The following GFM1 variants were observed in gnomAD, a reference collection of about 807,000 sequenced individuals.
The protein encoded by GFM1 is elongation factor G, mitochondrial.
A neutral mutation model predicts 96.2 loss-of-function variants in GFM1; 62 were observed. The ratio of observed to expected loss-of-function variants is 0.64; its 90% confidence interval spans 0.53 to 0.80. The LOEUF (loss-of-function observed/expected upper bound fraction) is 0.80. Ranked by LOEUF, GFM1 falls within the 30% of genes least tolerant of loss-of-function variation. GFM1 has a pLI of 0.00. For missense variants in GFM1, 852 were observed against 916.6 expected, an observed-to-expected ratio of 0.93 and a Z score of 0.91; for synonymous variants, 282 against 312.9, an observed-to-expected ratio of 0.90 and a Z score of 1.04.
intron 13 of GFM1, chr3:158,668,968 A>T: frequency 6.4e-7 from 1 of 1,551,374 alleles, no homozygotes; most frequent in Non-Finnish European, 8.9e-7. Context: ...TAACCCCATT[A>T]ATAGTGTATT....
chr3:158,682,783 G>A (rs927348514), intron 14 of GFM1, among the ~76,000 whole-genome samples: 1 of 152,086 alleles, frequency 6.6e-6, no homozygotes, highest in Non-Finnish European at 1.5e-5. Flanking sequence ...CTAACATTTT[G>A]GGAGGCCGAG....
chr3:158,645,381 C>T (rs556779484), intron 1 of GFM1, among the ~76,000 whole-genome samples: 1 of 152,220 alleles, frequency 6.6e-6, no homozygotes, highest in Admixed American at 6.5e-5. Context: ...AAAAGTGTCT[C>T]CCATTTTAAT....
At chr3:158,655,777 A>G in intron 8 of GFM1, 1 of 450,794 alleles carries the variant, frequency 2.2e-6, no homozygotes, top group East Asian at 7.0e-5. Flanking sequence ...TATTAACTAA[A>G]ATCCTTACTT....
chr3:158,648,546 C>T (rs1285076683), intron 4 of GFM1, among the ~76,000 whole-genome samples: 5 of 151,904 alleles, frequency 3.3e-5, no homozygotes, highest in East Asian at 3.9e-4. Context: ...GGCGTGGTGG[C>T]GGGCACCTGT....
intron 13 of GFM1, among the ~76,000 whole-genome samples, chr3:158,681,697 G>C (rs1465841240): frequency 2.0e-5 from 3 of 152,106 alleles, no homozygotes; most frequent in South Asian, 2.1e-4. Context: ...TGGAATACAG[G>C]TTATTAGAAC....
Position 158,666,093 on chromosome 3 carries a change from T to G in GFM1, c.1519-211T>G, listed in dbSNP as rs2115940. ...TTAATTGGAGGTAAATATAAATTAA[T>G]CAATGTAACTTAGAATTCATTTATA... On this transcript the variant is annotated intron_variant, in intron 12 of 17. Transcript: ENST00000486715. Among the ~76,000 whole-genome samples, 854 of 152,090 alleles carry G rather than the reference T, an allele frequency of 5.6e-3. 14 individuals are homozygous for G. The highest frequency in any genetic ancestry group is 0.02 in the African/African-American group (825 of 41,466).
chr3:158,646,034 CA>C, intron 2 of GFM1, 130 bp from the exon 3 acceptor site: 1 of 1,143,960 alleles, frequency 8.7e-7, no homozygotes, highest in Non-Finnish European at 1.3e-6. Flanking sequence ...CATCCTGCCT[CA>C]GTCTCCCACA....
intron 13 of GFM1, among the ~76,000 whole-genome samples, chr3:158,675,556 A>T (rs991325086): frequency 2.6e-5 from 4 of 152,070 alleles, no homozygotes; most frequent in African/African-American, 9.7e-5. Flanking sequence ...AAACTTTCTA[A>T]ATTTTATATA....
At chr3:158,647,210 G>A (rs1035023375) in intron 4 of GFM1, among the ~76,000 whole-genome samples, 2 of 152,086 alleles carry the variant, frequency 1.3e-5, no homozygotes, top group Admixed American at 6.5e-5. Flanking sequence ...CAGTCTGACC[G>A]TTTATACTGT....
At chr3:158,666,811 T>G in intron 13 of GFM1, 1 of 1,499,708 alleles carries the variant, frequency 6.7e-7, no homozygotes, top group Non-Finnish European at 9.2e-7. Context: ...TAGTTGGGTT[T>G]ATGTTTTGTT....
intron 8 of GFM1, among the ~76,000 whole-genome samples, chr3:158,657,887 G>C (rs1350545110): frequency 1.3e-5 from 2 of 151,848 alleles, no homozygotes; most frequent in Non-Finnish European, 2.9e-5. Flanking sequence ...AATTTGTGCT[G>C]GTTCTGAATT....
At chr3:158,664,368 A>AT (rs1723440836) in intron 11 of GFM1, among the ~76,000 whole-genome samples, 1 of 152,212 alleles carries the variant, frequency 6.6e-6, no homozygotes, top group Non-Finnish European at 1.5e-5. Context: ...TGGAGGCTCT[A>AT]TGGGAGAATT....
At chr3:158,684,755 C>CA in intron 15 of GFM1, 87 bp downstream of exon 15, 1 of 1,351,830 alleles carries the variant, frequency 7.4e-7, no homozygotes, top group East Asian at 2.3e-5. Context: ...CAGTCTTCTT[C>CA]ACCCAGAGCA....
rs3213845 is a variant in GFM1, at chr3:158,669,369, C to T, written c.1601+2983C>T. On this transcript the variant is annotated intron_variant, in intron 13 of 17. Coordinates refer to ENST00000486715, the MANE Select transcript of GFM1 (RefSeq NM_024996.7). ...ACTTAGCAACTAACAATTTTAAGCACAGATAATTGAGATTGATTTTAAGTT... is the reference window on the plus strand; with the variant it reads ...ACTTAGCAACTAACAATTTTAAGCATAGATAATTGAGATTGATTTTAAGTT... The T allele has an allele frequency of 1.4e-4, 210 of 1,475,304 alleles. No individual in the cohort carries two copies. In the East Asian group the frequency reaches 3.9e-3, roughly 27 times the overall value. 91.4% of individuals were successfully genotyped at this position (1,475,304 alleles called of 1,614,324 possible). A position where few individuals can be genotyped will look rare whatever the true frequency, so the allele number is the denominator to read the frequency against.
chr3:158,659,574 A>C (rs1329991141), intron 9 of GFM1, among the ~76,000 whole-genome samples: 1 of 152,202 alleles, frequency 6.6e-6, no homozygotes, highest in African/African-American at 2.4e-5. Context: ...TGAAGATTTA[A>C]AAGCTTCAAG....
At chr3:158,674,102 A>C (rs1387218662) in intron 13 of GFM1, among the ~76,000 whole-genome samples, 2 of 133,186 alleles carry the variant, frequency 1.5e-5, no homozygotes, top group African/African-American at 5.7e-5. Flanking sequence ...TTTTTTGGAG[A>C]CAGAGTTTCG....
Position 158,644,691 on chromosome 3 carries a change from C to T in GFM1, c.57C>T (p.Ala19=). ...CTCTGGGGCGCGGAAGGGCCCCCGCCTCCCTAGGCTGGCAGAGGAAGCAGG... is the reference window on the plus strand; with the variant it reads ...CTCTGGGGCGCGGAAGGGCCCCCGCTTCCCTAGGCTGGCAGAGGAAGCAGG... ...VAALGRGRAP[A]SLGWQRKQVN... The change falls in exon 1 of 18, where the codon GCC becomes GCT. Residue 19 remains alanine, a synonymous_variant. Coordinates refer to ENST00000486715, the MANE Select transcript of GFM1 (RefSeq NM_024996.7). 1 of 1,579,658 alleles carries T rather than the reference C, an allele frequency of 6.3e-7. No individual in the cohort carries two copies. The highest frequency in any genetic ancestry group is 8.6e-7 in the Non-Finnish European group (1 of 1,163,614).
chr3:158,652,144 CACTG>C lies in GFM1; in HGVS notation c.741_744del (p.Asp248ThrfsTer5). On this transcript the variant is annotated frameshift_variant, in exon 6 of 18. Transcript: ENST00000486715. LOFTEE classifies it high-confidence loss of function. ...TTCCAGCTGAATTAAGGGCGGCGGC[CACTG>C]ACCACCGGCAGGAGCTAATTGAATG... 1 of 1,613,846 alleles carries C rather than the reference CACTG, an allele frequency of 6.2e-7. No individual in the cohort carries two copies. The highest frequency in any genetic ancestry group is 8.5e-7 in the Non-Finnish European group (1 of 1,179,812).
intron 15 of GFM1, among the ~76,000 whole-genome samples, chr3:158,689,762 A>AC (rs1357146381): frequency 1.3e-5 from 2 of 151,790 alleles, no homozygotes; most frequent in African/African-American, 4.8e-5. Context: ...AAAAAAAAAA[A>AC]AGAAAGAATG....
Sources: gnomAD v4.1 joint callset for allele counts (sites outside exome capture counted in the v4.1 genomes callset) on GRCh38, gnomAD v4.1.1 for gene constraint, MANE v1.5 for transcripts, NCBI Gene and HGNC (gene_info 2026-07-23, HGNC 2026-07-21) for gene names.